IDE: variants seen among roughly 807,000 people sequenced by gnomAD.
IDE encodes the protein insulin degrading enzyme, also known as insulin-degrading enzyme.
IDE carries 58 observed loss-of-function variants against 133.2 expected under a neutral mutation model. That is an observed-to-expected ratio of 0.44 (90% CI 0.35 to 0.54). The LOEUF is 0.54. IDE is among the 20% of genes least tolerant of loss of function. IDE has a pLI of 0.00. For synonymous variants in IDE, 396 were observed against 421.3 expected, an observed-to-expected ratio of 0.94 and a Z score of 0.73; for missense variants, 981 against 1,234.0, an observed-to-expected ratio of 0.79 and a Z score of 3.07.
intron 11 of IDE, among the ~76,000 whole-genome samples, chr10:92,500,166 G>A (rs1657683062): frequency 6.6e-6 from 1 of 151,984 alleles, no homozygotes; most frequent in African/African-American, 2.4e-5. Flanking sequence ...ACATGGTGGT[G>A]CGTGCCTGTA....
At chr10:92,538,823 T>C (rs1589505046) in intron 1 of IDE, among the ~76,000 whole-genome samples, 1 of 150,170 alleles carries the variant, frequency 6.7e-6, no homozygotes, top group African/African-American at 2.4e-5. Flanking sequence ...CAGGTTAATA[T>C]ACTGCCAGTA....
intron 1 of IDE, among the ~76,000 whole-genome samples, chr10:92,568,186 T>TATTACAAA (rs1234562173): frequency 2.0e-5 from 3 of 152,158 alleles, no homozygotes; most frequent in Non-Finnish European, 4.4e-5. Context: ...GTAGGAAGTT[T>TATTACAAA]ATTACTCAAA....
rs981763642 is a variant in IDE at position 92,574,071 on chromosome 10, A to G, written c.-52T>C. 2 of 1,411,190 alleles carry G rather than the reference A, an allele frequency of 1.4e-6. No individual in the cohort carries two copies. The highest frequency in any genetic ancestry group is 1.9e-6 in the Non-Finnish European group (2 of 1,054,758). 87.4% of individuals were successfully genotyped at this position (1,411,190 alleles called of 1,614,324 possible). Reference sequence around the variant, plus strand: ...GCAAACGCTTCCTGCTTGCGCTTCGAGCCGGCCCTGCGCACTGCGCATGCT... The same window carrying G: ...GCAAACGCTTCCTGCTTGCGCTTCGGGCCGGCCCTGCGCACTGCGCATGCT... On this transcript the variant is annotated 5_prime_UTR_variant, in exon 1 of 25. Coordinates refer to ENST00000265986, the MANE Select transcript of IDE (RefSeq NM_004969.4).
intron 1 of IDE, among the ~76,000 whole-genome samples, chr10:92,542,200 A>T (rs1842340967): frequency 6.6e-6 from 1 of 152,020 alleles, no homozygotes; most frequent in South Asian, 2.1e-4. Flanking sequence ...ACAAGGTTTC[A>T]CTCTGTCACC....
intron 17 of IDE, among the ~76,000 whole-genome samples, chr10:92,473,951 C>T (rs189598657): frequency 2.0e-5 from 3 of 151,990 alleles, no homozygotes; most frequent in Non-Finnish European, 4.4e-5. Context: ...CACTGCACTC[C>T]AGCCTGGGCA....
intron 9 of IDE, among the ~76,000 whole-genome samples, chr10:92,506,953 G>A (rs1848320970): frequency 6.6e-6 from 1 of 152,124 alleles, no homozygotes; most frequent in Admixed American, 6.6e-5. Flanking sequence ...TTCAGAAGCA[G>A]AGATTATACC....
chr10:92,534,908 A>G (rs1272118207), intron 2 of IDE, 123 bp from the exon 3 acceptor site: 3 of 667,008 alleles, frequency 4.5e-6, no homozygotes, highest in Non-Finnish European at 5.1e-6. Context: ...AGTTAAGCAC[A>G]AGCTACCTAA....
At chr10:92,529,485 A>G (rs1174180546) in intron 4 of IDE, among the ~76,000 whole-genome samples, 1 of 152,222 alleles carries the variant, frequency 6.6e-6, no homozygotes, top group African/African-American at 2.4e-5. Context: ...TTCAGGCTAT[A>G]AAAAGAAATA....
intron 4 of IDE, among the ~76,000 whole-genome samples, chr10:92,524,363 T>TAATA (rs57975380): frequency 0.37 from 3,498 of 9,440 alleles, 998 homozygotes; most frequent in African/African-American, 0.52. Context: ...ATATTTTATA[T>TAATA]TATAATATAT....
intron 11 of IDE, among the ~76,000 whole-genome samples, chr10:92,494,228 ATTTTTTTTT>A (rs56276579): frequency 7.7e-6 from 1 of 130,668 alleles, no homozygotes; most frequent in Admixed American, 7.6e-5. Context: ...TACCCAGCCA[ATTTTTTTTT>A]TTTTTTTTTT....
chr10:92,522,197 C>A (rs1300446451), intron 4 of IDE, among the ~76,000 whole-genome samples: 1 of 152,044 alleles, frequency 6.6e-6, no homozygotes, highest in Non-Finnish European at 1.5e-5. Flanking sequence ...ACTGAACTAC[C>A]CTCTGGTTCA....
intron 4 of IDE, among the ~76,000 whole-genome samples, chr10:92,528,951 C>T (rs926574227): frequency 2.0e-5 from 3 of 152,014 alleles, no homozygotes; most frequent in African/African-American, 7.3e-5. Flanking sequence ...GTGGTGGGTG[C>T]CCGTAATCCC....
chr10:92,509,929 A>AC (rs1848493738), intron 6 of IDE, 121 bp downstream of exon 6: 1 of 549,110 alleles, frequency 1.8e-6, no homozygotes, highest in Non-Finnish European at 3.2e-6. Flanking sequence ...TCCAAAAAAA[A>AC]AAAAAAAAAA....
chr10:92,467,957 G>A (rs1178080617), intron 19 of IDE, among the ~76,000 whole-genome samples: 2 of 152,246 alleles, frequency 1.3e-5, no homozygotes, highest in Non-Finnish European at 2.9e-5. Flanking sequence ...GGAATGTACA[G>A]TCTAACAAGA....
intron 13 of IDE, among the ~76,000 whole-genome samples, chr10:92,483,670 GTCCC>G (rs1846758483): frequency 2.0e-5 from 3 of 152,210 alleles, no homozygotes; most frequent in Non-Finnish European, 4.4e-5. Flanking sequence ...AGAGGCAGAA[GTCCC>G]TTGCAAGCGT....
intron 1 of IDE, among the ~76,000 whole-genome samples, chr10:92,547,452 A>G (rs1842580689): frequency 6.6e-6 from 1 of 152,110 alleles, no homozygotes; most frequent in African/African-American, 2.4e-5. Flanking sequence ...TTCTCTCAAG[A>G]TAGCCTTCTA....
chr10:92,496,222 A>C (rs1459247275), intron 11 of IDE, among the ~76,000 whole-genome samples: 2 of 152,176 alleles, frequency 1.3e-5, no homozygotes, highest in Non-Finnish European at 2.9e-5. Flanking sequence ...ATTAGGCTTA[A>C]AGTTTAGAAA....
chr10:92,472,897 A>G (rs1846041981), intron 17 of IDE, among the ~76,000 whole-genome samples: 1 of 151,242 alleles, frequency 6.6e-6, no homozygotes, highest in South Asian at 2.1e-4. Context: ...CGGCCTCCCA[A>G]AGTTGCTGAG....
In IDE at chr10:92,526,841, G is replaced by A. The variant is rs967894659; in HGVS notation, c.661+4907C>T. Among the ~76,000 whole-genome samples the A allele has an allele frequency of 6.0e-5, 7 of 117,498 alleles. 1 individual carries two copies. Among genetic ancestry groups the A allele is most frequent in the Non-Finnish European group, 1.2e-4 (7 of 60,082 alleles). 77.1% of individuals were successfully genotyped at this position (117,498 alleles called of 152,430 possible). The stretch of plus-strand genomic sequence containing the variant: ...AGCCTGGGCAACAGGGTGAGGCCCT[G>A]TCTCAAAAAAAAAAAAAAAAAAAAA... On this transcript the variant is annotated intron_variant, in intron 4 of 24. Coordinates refer to ENST00000265986, the MANE Select transcript of IDE (RefSeq NM_004969.4).
Sources: allele counts gnomAD v4.1 joint callset (sites outside exome capture counted in the v4.1 genomes callset), GRCh38; gene constraint gnomAD v4.1.1; transcripts MANE v1.5; gene names NCBI Gene and HGNC (gene_info 2026-07-23, HGNC 2026-07-21).